ACVR1B: variants seen among roughly 807,000 people sequenced by gnomAD.
ACVR1B encodes activin A receptor type 1B.
In ACVR1B, 15 loss-of-function variants were observed where a neutral mutation model predicts 55.6. The observed-to-expected ratio is 0.27, with a 90% CI of 0.18 to 0.42. The LOEUF is 0.42. ACVR1B is among the 10% of genes least tolerant of loss of function. The pLI is 1.00. For synonymous variants in ACVR1B, 247 were observed against 254.6 expected (o/e 0.97, Z 0.28); for missense variants, 359 against 670.1 (o/e 0.54, Z 5.13).
chr12:51,955,057 G>C (rs1000204308), intron 1 of ACVR1B, among the ~76,000 whole-genome samples: 3 of 152,174 alleles, frequency 2.0e-5, no homozygotes, highest in Non-Finnish European at 2.9e-5. Flanking sequence ...AGACAGTCTG[G>C]AGGGAGTGAC....
At chr12:51,980,745 A>G (rs1941962417) in intron 3 of ACVR1B, among the ~76,000 whole-genome samples, 1 of 152,056 alleles carries the variant, frequency 6.6e-6, no homozygotes, top group Non-Finnish European at 1.5e-5. Context: ...CTAATCATAC[A>G]CGTTTCCTGT....
At chr12:51,970,847 T>A (rs1056302126) in intron 1 of ACVR1B, among the ~76,000 whole-genome samples, 4 of 152,194 alleles carry the variant, frequency 2.6e-5, no homozygotes, top group African/African-American at 9.7e-5. Context: ...ATTTATGAAA[T>A]TTATTATTCC....
At chr12:51,982,832 A>G (rs1164203311) in intron 4 of ACVR1B, 5 of 1,478,774 alleles carry the variant, frequency 3.4e-6, no homozygotes, top group Non-Finnish European at 4.5e-6. Context: ...TTTTAAAACT[A>G]TCACCTTTTG....
chr12:51,980,447 G>A (rs1941954965), intron 3 of ACVR1B, among the ~76,000 whole-genome samples: 1 of 152,172 alleles, frequency 6.6e-6, no homozygotes, highest in Non-Finnish European at 1.5e-5. Context: ...TACATCTGGA[G>A]TTCGCTTGTG....
At chr12:51,962,284 A>AC (rs1212858480) in intron 1 of ACVR1B, among the ~76,000 whole-genome samples, 2 of 151,622 alleles carry the variant, frequency 1.3e-5, no homozygotes, top group African/African-American at 4.9e-5. Context: ...GTTTCTCCCC[A>AC]CCCCCCACCA....
At chr12:51,983,331 T>C (rs146997788) in intron 4 of ACVR1B, among the ~76,000 whole-genome samples, 105 of 152,322 alleles carry the variant, frequency 6.9e-4, no homozygotes, top group Non-Finnish European at 1.2e-3. Context: ...TACCTTCCAT[T>C]GCTCCTCTGA....
intron 1 of ACVR1B, chr12:51,953,406 T>TG: frequency 1.0e-6 from 1 of 985,452 alleles, no homozygotes; most frequent in Non-Finnish European, 1.2e-6. Flanking sequence ...ACCTCGTGTG[T>TG]GTTCTTCGGC....
At chr12:51,986,539 C>T (rs1429577438) in intron 6 of ACVR1B, among the ~76,000 whole-genome samples, 2 of 152,200 alleles carry the variant, frequency 1.3e-5, no homozygotes, top group South Asian at 2.1e-4. Context: ...GGATTACAGG[C>T]GTGAGCCACC....
Position 51,976,510 on chromosome 12 carries a change from G to A in ACVR1B, c.515G>A (p.Cys172Tyr). The change falls in exon 3 of 9, where the codon TGT (cysteine) becomes TAT (tyrosine). Residue 172 changes from cysteine (C) to tyrosine (Y), a missense_variant. Coordinates refer to ENST00000257963, the MANE Select transcript of ACVR1B (RefSeq NM_004302.5). ...ATGGAAGATCCCTCATGTGAGATGT[G>A]TCTCTCCAAAGACAAGACGCTCCAG... Reference protein sequence around the residue: ...LDMEDPSCEMCLSKDKTLQDL... With the variant: ...LDMEDPSCEMYLSKDKTLQDL... 1.9e-6 allele frequency: 3 copies of A among 1,614,102 alleles called. No homozygotes were observed. Among genetic ancestry groups the A allele is most frequent in the Non-Finnish European group, 2.5e-6 (3 of 1,180,022 alleles).
intron 7 of ACVR1B, among the ~76,000 whole-genome samples, chr12:51,988,164 T>C (rs1942118369): frequency 6.6e-6 from 1 of 152,196 alleles, no homozygotes; most frequent in Non-Finnish European, 1.5e-5. Flanking sequence ...TTTTGATCAG[T>C]ATATGCAGTA....
intron 3 of ACVR1B, 117 bp downstream of exon 3, chr12:51,976,692 A>AT (rs1941864603): frequency 7.5e-7 from 1 of 1,337,874 alleles, no homozygotes; most frequent in Admixed American, 2.1e-5. Context: ...GCATTGAGTC[A>AT]TTTGGTTTCC....
intron 1 of ACVR1B, among the ~76,000 whole-genome samples, chr12:51,956,812 G>A (rs1461330758): frequency 4.0e-5 from 6 of 151,654 alleles, no homozygotes; most frequent in African/African-American, 1.5e-4. Flanking sequence ...CCAGGTTAGA[G>A]TCCAGTGACA....
chr12:51,985,438 G>A (rs759785365), intron 6 of ACVR1B, 90 bp downstream of exon 6: 3 of 1,453,506 alleles, frequency 2.1e-6, no homozygotes, highest in African/African-American at 2.9e-5. Context: ...AGAAGGAGGT[G>A]TTGAAAAAGG....
rs1271702301 is a variant in ACVR1B at position 51,981,085 on chromosome 12, G to A, written c.697G>A (p.Val233Met). 1 of 1,614,186 alleles carries A rather than the reference G, an allele frequency of 6.2e-7. No homozygotes were observed. Among genetic ancestry groups the A allele is most frequent in the Non-Finnish European group, 8.5e-7 (1 of 1,180,022 alleles). The change falls in exon 4 of 9, where the codon GTG becomes ATG. Residue 233 changes from valine to methionine, a missense_variant. Val to Met is a conservative substitution (Grantham distance 21). Around this residue, in one of 5 missense-constraint regions of ACVR1B, gnomAD observed 119 missense variants for 340.2 expected, o/e 0.35. Coordinates refer to ENST00000257963, the MANE Select transcript of ACVR1B (RefSeq NM_004302.5). ...CCGCTGGAGGGGTGGTGATGTGGCT[G>A]TGAAAATATTCTCTTCTCGTGAAGA... is the stretch of plus-strand genomic sequence containing the variant. Reference protein sequence around the residue: ...RGRWRGGDVAVKIFSSREERS... With the variant: ...RGRWRGGDVAMKIFSSREERS...
intron 6 of ACVR1B, among the ~76,000 whole-genome samples, chr12:51,986,097 T>G (rs1942071178): frequency 6.6e-6 from 1 of 152,158 alleles, no homozygotes; most frequent in Admixed American, 6.5e-5. Context: ...CAAAAGCAGT[T>G]CGGAATGAAA....
chr12:51,981,133 G>A lies in ACVR1B; in HGVS notation c.745G>A (p.Glu249Lys). ...REERSWFREA[E>K]IYQTVMLRHE... ...AGAACGGTCTTGGTTCAGGGAAGCA[G>A]AGATATACCAGACGGTCATGCTGCG... Residue 249 changes from glutamate to lysine, a missense_variant, in exon 4 of 9, where the codon GAG (glutamate) becomes AAG (lysine). Physicochemically the swap from Glu to Lys is moderately conservative, Grantham distance 56. Around this residue, in one of 5 missense-constraint regions of ACVR1B, gnomAD observed 119 missense variants for 340.2 expected, o/e 0.35. Transcript: ENST00000257963. 6.2e-7 allele frequency: 1 copy of A among 1,614,214 alleles called. No individual in the cohort carries two copies. Among genetic ancestry groups the A allele is most frequent in the Non-Finnish European group, 8.5e-7 (1 of 1,180,044 alleles).
chr12:51,981,290 C>A, intron 4 of ACVR1B, 91 bp downstream of exon 4: 2 of 1,108,474 alleles, frequency 1.8e-6, no homozygotes, highest in Non-Finnish European at 2.6e-6. Flanking sequence ...TTGCCTTCAT[C>A]ATTGTAACCC....
intron 1 of ACVR1B, 79 bp from the exon 2 acceptor site, chr12:51,975,186 G>T: frequency 6.5e-7 from 1 of 1,548,710 alleles, no homozygotes; most frequent in South Asian, 1.2e-5. Flanking sequence ...TATGCTAAGG[G>T]ATTATATTCT....
chr12:51,996,200 A>C lies in ACVR1B; in HGVS notation c.*2090A>C, dbSNP rs1942293746. The C allele has an allele frequency of 6.6e-6, 1 of 152,384 alleles. No individual in the cohort carries two copies. Among genetic ancestry groups the C allele is most frequent in the Non-Finnish European group, 1.5e-5 (1 of 68,072 alleles). 9.4% of individuals were successfully genotyped at this position (152,384 alleles called of 1,614,324 possible). A position where few individuals can be genotyped will look rare whatever the true frequency, so the allele number is the denominator to read the frequency against. ...GTTTAGAACCCCAGGTGAGACCTCAAATCACTGCATTCATTCTGAGCCCCC... is the reference window on the plus strand; with the variant it reads ...GTTTAGAACCCCAGGTGAGACCTCACATCACTGCATTCATTCTGAGCCCCC... On this transcript the variant is annotated 3_prime_UTR_variant, in exon 9 of 9. Transcript: ENST00000257963.
Sources: allele counts gnomAD v4.1 joint callset (sites outside exome capture counted in the v4.1 genomes callset), GRCh38; gene constraint gnomAD v4.1.1; regional missense constraint gnomAD v4.1.1; transcripts MANE v1.5; gene names NCBI Gene and HGNC (gene_info 2026-07-23, HGNC 2026-07-21).